PRKCA: variants seen among roughly 807,000 people sequenced by gnomAD.
PRKCA encodes protein kinase C alpha.
In PRKCA, 27 loss-of-function variants were observed where a neutral mutation model predicts 87.0. The observed-to-expected ratio is 0.31, with a 90% CI of 0.23 to 0.43. The LOEUF (loss-of-function observed/expected upper bound fraction) is 0.43, where lower values mean the gene tolerates loss of function less well. Among genes scored for constraint, PRKCA ranks in the 20% least tolerant of loss-of-function variants. The pLI, the probability that PRKCA is intolerant of heterozygous loss-of-function variation, is 1.00. For synonymous variants in PRKCA, 329 were observed against 311.1 expected (o/e 1.06, Z -0.61); for missense variants, 518 against 852.3 (o/e 0.61, Z 4.88).
At chr17:66,655,301 T>C (rs980730232) in intron 5 of PRKCA, among the ~76,000 whole-genome samples, 1 of 152,166 alleles carries the variant, frequency 6.6e-6, no homozygotes, top group Non-Finnish European at 1.5e-5. Context: ...CTGTAGGCAG[T>C]ACTTTGCCCA....
At chr17:66,731,692 C>A (rs1010310316) in intron 8 of PRKCA, among the ~76,000 whole-genome samples, 2 of 151,470 alleles carry the variant, frequency 1.3e-5, no homozygotes, top group African/African-American at 4.9e-5. Flanking sequence ...CCCTCTAGAG[C>A]TTCTAAAAAC....
intron 3 of PRKCA, among the ~76,000 whole-genome samples, chr17:66,577,705 C>CT (rs112522539): frequency 0.011 from 1,599 of 152,186 alleles, 35 homozygotes; most frequent in African/African-American, 0.035. Context: ...TCCTTCTTTT[C>CT]TTTTTTATTG....
At chr17:66,736,033 A>AC (rs1242862597) in intron 10 of PRKCA, among the ~76,000 whole-genome samples, 2 of 140,160 alleles carry the variant, frequency 1.4e-5, no homozygotes, top group Non-Finnish European at 3.0e-5. Flanking sequence ...GATGTACCCC[A>AC]CCACACTCAG....
At chr17:66,464,166 A>G (rs1385709999) in intron 2 of PRKCA, among the ~76,000 whole-genome samples, 1 of 152,128 alleles carries the variant, frequency 6.6e-6, no homozygotes, top group Non-Finnish European at 1.5e-5. Context: ...TACACTTAGC[A>G]ATATGCATTT....
chr17:66,696,440 A>G (rs560783703), intron 8 of PRKCA: 4 of 152,340 alleles, frequency 2.6e-5, no homozygotes, highest in Admixed American at 2.6e-4. Context: ...AGATGATAAT[A>G]GAGACTGCCG....
intron 3 of PRKCA, among the ~76,000 whole-genome samples, chr17:66,602,574 C>T (rs1004309696): frequency 6.6e-6 from 1 of 152,182 alleles, no homozygotes; most frequent in Non-Finnish European, 1.5e-5. Flanking sequence ...TGTTCCTATT[C>T]GGCCATCTTG....
At chr17:66,676,427 G>A (rs753920621) in intron 5 of PRKCA, 2 of 152,340 alleles carry the variant, frequency 1.3e-5, no homozygotes, top group Admixed American at 6.5e-5. Flanking sequence ...CTAGAATAAC[G>A]AGGAAGCAGA....
At chr17:66,699,859 G>T (rs1313292332) in intron 8 of PRKCA, among the ~76,000 whole-genome samples, 2 of 152,198 alleles carry the variant, frequency 1.3e-5, no homozygotes, top group African/African-American at 4.8e-5. Flanking sequence ...GGGCCACTGT[G>T]CCCAGACTCT....
At chr17:66,510,006 G>C (rs951868313) in intron 3 of PRKCA, among the ~76,000 whole-genome samples, 1 of 152,132 alleles carries the variant, frequency 6.6e-6, no homozygotes, top group Non-Finnish European at 1.5e-5. Context: ...TTGTTGTCGT[G>C]GTGGTTCTGT....
intron 2 of PRKCA, among the ~76,000 whole-genome samples, chr17:66,483,906 C>T (rs1196122604): frequency 6.6e-6 from 1 of 151,996 alleles, no homozygotes; most frequent in African/African-American, 2.4e-5. Flanking sequence ...GCTAGAACAT[C>T]AACATGAATT....
At chr17:66,454,720 T>C (rs1398254627) in intron 2 of PRKCA, among the ~76,000 whole-genome samples, 1 of 152,174 alleles carries the variant, frequency 6.6e-6, no homozygotes, top group Non-Finnish European at 1.5e-5. Flanking sequence ...TCCACCATGA[T>C]TCAATTAATA....
chr17:66,786,854 T>C lies in PRKCA; in HGVS notation c.1606-13T>C. 6.2e-7 allele frequency: 1 copy of C among 1,609,022 alleles called. No individual in the cohort carries two copies. The highest frequency in any genetic ancestry group is 8.5e-7 in the Non-Finnish European group (1 of 1,175,540). ...CCTAAATACTTTCCCATCTTTCTTT[T>C]TTTCCGGAACAGCCTCCATTTGATG... On this transcript the variant is annotated splice_polypyrimidine_tract_variant and intron_variant, in intron 14 of 16. Coordinates refer to ENST00000413366, the MANE Select transcript of PRKCA (RefSeq NM_002737.3).
intron 5 of PRKCA, among the ~76,000 whole-genome samples, chr17:66,662,507 G>A (rs16959895): frequency 0.098 from 14,971 of 152,040 alleles, 784 homozygotes; most frequent in Middle Eastern, 0.18. Flanking sequence ...CAAGATACTC[G>A]GCCCCCAGTC....
chr17:66,507,070 T>C (rs890022647), intron 3 of PRKCA, among the ~76,000 whole-genome samples: 2 of 152,256 alleles, frequency 1.3e-5, no homozygotes, highest in Admixed American at 1.3e-4. Context: ...TTATTCATTG[T>C]ATGTAAACAT....
chr17:66,729,780 C>CTTTTT (rs60247180), intron 8 of PRKCA, among the ~76,000 whole-genome samples: 3,284 of 105,040 alleles, frequency 0.031, 209 homozygotes, highest in Non-Finnish European at 0.045. Context: ...GCGAGTTATT[C>CTTTTT]TTTTTTTTTT....
intron 3 of PRKCA, among the ~76,000 whole-genome samples, chr17:66,635,607 G>A (rs1237503591): frequency 1.3e-5 from 2 of 152,204 alleles, no homozygotes; most frequent in Non-Finnish European, 2.9e-5. Flanking sequence ...CATGAGATCA[G>A]CGGGTTATAT....
intron 3 of PRKCA, among the ~76,000 whole-genome samples, chr17:66,633,520 G>C (rs527270314): frequency 1.3e-5 from 2 of 152,146 alleles, no homozygotes; most frequent in African/African-American, 4.8e-5. Context: ...ACTTAGAGGG[G>C]AGCAGCTTCA....
chr17:66,754,971 G>A (rs1974515118), intron 13 of PRKCA, among the ~76,000 whole-genome samples: 1 of 152,164 alleles, frequency 6.6e-6, no homozygotes, highest in Non-Finnish European at 1.5e-5. Flanking sequence ...TAGGGCTTCA[G>A]CACACGGATT....
chr17:66,546,967 T>A (rs1968163106), intron 3 of PRKCA, among the ~76,000 whole-genome samples: 1 of 152,220 alleles, frequency 6.6e-6, no homozygotes, highest in African/African-American at 2.4e-5. Flanking sequence ...ATACTATTGC[T>A]TTAAGCTACT....
Sources: gnomAD v4.1 joint callset for allele counts (sites outside exome capture counted in the v4.1 genomes callset) on GRCh38, gnomAD v4.1.1 for gene constraint, MANE v1.5 for transcripts, NCBI Gene and HGNC (gene_info 2026-07-23, HGNC 2026-07-21) for gene names.